Variants in WASHC5 observed in about 807,000 individuals in gnomAD.
WASHC5 encodes the protein WASH complex subunit strumpellin.
In WASHC5, 101 loss-of-function variants were observed where a neutral mutation model predicts 150.4. That is an observed-to-expected ratio of 0.67 (90% CI 0.57 to 0.79). The LOEUF (loss-of-function observed/expected upper bound fraction) is 0.79. Ranked by LOEUF, WASHC5 falls within the 30% of genes least tolerant of loss-of-function variation. The pLI is 0.00. For synonymous variants in WASHC5, 467 were observed against 491.2 expected (o/e 0.95, Z 0.65); for missense variants, 1,195 against 1,396.3 (o/e 0.86, Z 2.30).
intron 26 of WASHC5, among the ~76,000 whole-genome samples, chr8:125,035,280 T>A (rs1815666197): frequency 6.6e-6 from 1 of 151,976 alleles, no homozygotes; most frequent in African/African-American, 2.4e-5. Flanking sequence ...CCAGGGAGAG[T>A]GATACTTTCC....
chr8:125,032,628 T>C lies in WASHC5; in HGVS notation c.3182-234A>G. On this transcript the variant is annotated intron_variant, in intron 26 of 28. Coordinates refer to ENST00000318410, the MANE Select transcript of WASHC5 (RefSeq NM_014846.4). ...AAACGGTTACTAAATTTTGTAATTA[T>C]CATTACTGGTTCTTTTGAATTACTC... is the stretch of plus-strand genomic sequence containing the variant. 3 of 546,270 alleles carry C rather than the reference T, an allele frequency of 5.5e-6. No homozygotes were observed. In the East Asian group the frequency reaches 9.8e-5, roughly 18 times the overall value. The allele number at this position is 546,270 out of a possible 1,614,324, so 33.8% of individuals were successfully genotyped here.
chr8:125,083,354 G>C, intron 2 of WASHC5, 96 bp from the exon 3 acceptor site: 1 of 1,149,256 alleles, frequency 8.7e-7, no homozygotes, highest in Non-Finnish European at 1.3e-6. Flanking sequence ...TATGTTATTA[G>C]ACATCCCAAA....
intron 9 of WASHC5, 41 bp from the exon 10 acceptor site, chr8:125,067,760 G>A: frequency 3.8e-6 from 6 of 1,599,632 alleles, no homozygotes; most frequent in Non-Finnish European, 5.1e-6. Context: ...TAAATGTGTA[G>A]AAAATATCTA....
chr8:125,025,569 T>C (rs971136387), intron 28 of WASHC5, among the ~76,000 whole-genome samples: 1 of 152,030 alleles, frequency 6.6e-6, no homozygotes, highest in Non-Finnish European at 1.5e-5. Flanking sequence ...GCATCTGTAA[T>C]CACAGCTACT....
chr8:125,079,139 T>TATATATATAC (rs1377087490), intron 5 of WASHC5, among the ~76,000 whole-genome samples: 1 of 129,574 alleles, frequency 7.7e-6, no homozygotes, highest in African/African-American at 3.6e-5. Context: ...TATATATATA[T>TATATATATAC]ACATTTTTTT....
rs753799341 is a variant in WASHC5 at position 125,037,327 on chromosome 8, T to C, written c.3091A>G (p.Ile1031Val). ...AAATAGGGTAAGCGCTTTGTTGTTA[T>C]GTATATCTGGAAAGAGAAAGGTAAG... ...GIHNPLNKIY[I>V]TTKRLPYFPI... Residue 1031 changes from isoleucine to valine, a missense_variant, in exon 26 of 29, where the codon ATA (isoleucine) becomes GTA (valine). Around this residue, in one of 3 missense-constraint regions of WASHC5, gnomAD observed 997 missense variants for 1,168.1 expected, o/e 0.85. Transcript: ENST00000318410. 6.9e-6 allele frequency: 11 copies of C among 1,588,796 alleles called. No individual in the cohort carries two copies. The highest frequency in any genetic ancestry group is 2.2e-5 in the East Asian group (1 of 44,644).
intron 5 of WASHC5, among the ~76,000 whole-genome samples, chr8:125,079,488 G>C (rs1817186092): frequency 6.6e-6 from 1 of 151,980 alleles, no homozygotes; most frequent in Admixed American, 6.6e-5. Context: ...ACTGTGCCCG[G>C]CCTCAAAATT....
chr8:125,078,678 A>G, intron 6 of WASHC5, 60 bp downstream of exon 6: 3 of 1,324,952 alleles, frequency 2.3e-6, no homozygotes, highest in South Asian at 1.2e-5. Context: ...GTAATTAAAG[A>G]GGGAAGTGAA....
chr8:125,032,675 C>G (rs1010048228), intron 26 of WASHC5: 3 of 429,014 alleles, frequency 7.0e-6, no homozygotes, highest in African/African-American at 6.2e-5. Flanking sequence ...ATTATTGTAG[C>G]AATTTTTAAA....
At chr8:125,054,197 G>A (rs1360645201) in intron 17 of WASHC5, among the ~76,000 whole-genome samples, 1 of 152,128 alleles carries the variant, frequency 6.6e-6, no homozygotes, top group Admixed American at 6.5e-5. Flanking sequence ...CAAGCTGGAT[G>A]GTTAAGAAAA....
Position 125,078,790 on chromosome 8 carries a change from G to T in WASHC5, c.659C>A (p.Ser220Tyr). The change falls in exon 6 of 29, where the codon TCC becomes TAC. Residue 220 changes from serine to tyrosine, a missense_variant. Ser to Tyr is a moderately radical substitution (Grantham distance 144). Around this residue, in one of 3 missense-constraint regions of WASHC5, gnomAD observed 997 missense variants for 1,168.1 expected, o/e 0.85. Coordinates refer to ENST00000318410, the MANE Select transcript of WASHC5 (RefSeq NM_014846.4). ...SYFQRVPINE[S>Y]FISMVIGRLR... ...TCGACCAATGACCATACTGATGAAG[G>T]ATTCGTTGATAGGCACTCTCTGGAA... The T allele has an allele frequency of 6.2e-7, 1 of 1,613,972 alleles. No individual in the cohort carries two copies. Among genetic ancestry groups the T allele is most frequent in the Middle Eastern group, 1.6e-4 (1 of 6,062 alleles).
At chr8:125,054,070 C>T (rs57701401) in intron 17 of WASHC5, among the ~76,000 whole-genome samples, 16,612 of 152,132 alleles carry the variant, frequency 0.11, 2,123 homozygotes, top group African/African-American at 0.31. Flanking sequence ...TGGTCTGCGG[C>T]CACTTGAAAA....
chr8:125,071,201 C>T (rs1816886640), intron 9 of WASHC5, among the ~76,000 whole-genome samples: 1 of 152,214 alleles, frequency 6.6e-6, no homozygotes, highest in Non-Finnish European at 1.5e-5. Flanking sequence ...TAGGGGTATA[C>T]AGTCCTGGAT....
At chr8:125,077,779 G>C (rs1817108896) in intron 6 of WASHC5, among the ~76,000 whole-genome samples, 1 of 152,180 alleles carries the variant, frequency 6.6e-6, no homozygotes, top group Non-Finnish European at 1.5e-5. Flanking sequence ...GTGAGGAACA[G>C]AGAAAATGGT....
At chr8:125,032,637 G>T (rs1430656436) in intron 26 of WASHC5, 17 of 525,006 alleles carry the variant, frequency 3.2e-5, no homozygotes, top group Non-Finnish European at 5.8e-5. Context: ...ATCATTACTG[G>T]TTCTTTTGAA....
intron 8 of WASHC5, among the ~76,000 whole-genome samples, chr8:125,074,495 TTG>T (rs1191177906): frequency 6.6e-6 from 1 of 152,212 alleles, no homozygotes; most frequent in Non-Finnish European, 1.5e-5. Context: ...CCCTTCTGCC[TTG>T]TGTAAGAACA....
chr8:125,086,559 C>G (rs930039182), intron 1 of WASHC5, among the ~76,000 whole-genome samples: 1 of 152,196 alleles, frequency 6.6e-6, no homozygotes, highest in Non-Finnish European at 1.5e-5. Context: ...AATCCTGTCT[C>G]CAAATATAGT....
rs3834883 is a variant in WASHC5 at position 125,057,778 on chromosome 8, G to GCAACAACCACCGAATCTCATCAATAT, written c.1765-113_1765-112insATATTGATGAGATTCGGTGGTTGTTG. The GCAACAACCACCGAATCTCATCAATAT allele has an allele frequency of 0.058, 43,608 of 749,360 alleles. 3,384 individuals carry two copies. Among genetic ancestry groups the GCAACAACCACCGAATCTCATCAATAT allele is most frequent in the African/African-American group, 0.27 (15,470 of 57,228 alleles). 46.4% of individuals were successfully genotyped at this position (749,360 alleles called of 1,614,324 possible). Reference sequence around the variant, plus strand: ...ACATTTGGGTTTTACCCAACAGAGGGCATTAATAGTTTCTGACAATACAGT... The same window carrying GCAACAACCACCGAATCTCATCAATAT: ...ACATTTGGGTTTTACCCAACAGAGGGCAACAACCACCGAATCTCATCAATATCATTAATAGTTTCTGACAATACAGT... On this transcript the variant is annotated intron_variant, in intron 14 of 28. Coordinates refer to ENST00000318410, the MANE Select transcript of WASHC5 (RefSeq NM_014846.4).
In WASHC5 at chr8:125,091,727, C is replaced by T. The variant is rs993123748; in HGVS notation, c.-237G>A. ...GGCGGTCCTCTTCTATCCGCAGTCC[C>T]GGACCTGGAGCGGGTCAGACCCCGA... On this transcript the variant is annotated 5_prime_UTR_variant, in exon 1 of 29. Transcript: ENST00000318410. The T allele has an allele frequency of 6.6e-6, 1 of 152,378 alleles. No homozygotes were observed. The highest frequency in any genetic ancestry group is 1.5e-5 in the Non-Finnish European group (1 of 68,158). 9.4% of individuals were successfully genotyped at this position (152,378 alleles called of 1,614,324 possible). A position where few individuals can be genotyped will look rare whatever the true frequency, so the allele number is the denominator to read the frequency against.
Sources: gnomAD v4.1 joint callset for allele counts (sites outside exome capture counted in the v4.1 genomes callset) on GRCh38, gnomAD v4.1.1 for gene constraint, gnomAD v4.1.1 regional missense constraint, MANE v1.5 for transcripts, NCBI Gene and HGNC (gene_info 2026-07-23, HGNC 2026-07-21) for gene names.